The following GPHN variants were observed in gnomAD, a reference collection of about 807,000 sequenced individuals.
The protein encoded by GPHN is gephyrin.
In GPHN, 17 loss-of-function variants were observed where a neutral mutation model predicts 95.5. The ratio of observed to expected loss-of-function variants is 0.18; its 90% CI spans 0.12 to 0.27. The LOEUF (loss-of-function observed/expected upper bound fraction) is 0.27, where lower values mean the gene tolerates loss of function less well. Ranked by LOEUF, GPHN falls within the 10% of genes least tolerant of loss-of-function variation. The pLI is 1.00. For synonymous variants in GPHN, 320 were observed against 322.5 expected (o/e 0.99, Z 0.08); for missense variants, 660 against 978.1 (o/e 0.67, Z 4.34).
chr14:67,203,254 T>TACA, the GPHN span: 1 of 1,605,194 alleles, frequency 6.2e-7, no homozygotes, highest in Non-Finnish European at 8.5e-7. Context: ...TTTAAAAGTC[T>TACA]CCTGACATCT....
the GPHN span, among the ~76,000 whole-genome samples, chr14:67,346,122 C>T: frequency 1.3e-5 from 2 of 152,266 alleles, no homozygotes; most frequent in Admixed American, 1.3e-4. Flanking sequence ...CTTCACTTCA[C>T]TAGCTTGATG....
At chr14:67,579,197 G>A in the GPHN span, 1 of 1,611,328 alleles carries the variant, frequency 6.2e-7, no homozygotes, top group Non-Finnish European at 8.5e-7. Flanking sequence ...TGCGGACCGG[G>A]GAGCGGGAAG....
At chr14:66,917,188 G>T (rs911387673) in intron 6 of GPHN, among the ~76,000 whole-genome samples, 7 of 152,086 alleles carry the variant, frequency 4.6e-5, no homozygotes, top group Non-Finnish European at 7.4e-5. Context: ...TCCTGAGGAG[G>T]CTTTAACTGA....
At chr14:67,008,265 A>T (rs2072740748) in intron 9 of GPHN, among the ~76,000 whole-genome samples, 1 of 151,998 alleles carries the variant, frequency 6.6e-6, no homozygotes, top group Non-Finnish European at 1.5e-5. Context: ...CAGCCTGACC[A>T]ACATGATGAA....
At chr14:66,662,705 A>G (rs944635261) in intron 1 of GPHN, among the ~76,000 whole-genome samples, 1 of 152,240 alleles carries the variant, frequency 6.6e-6, no homozygotes, top group Non-Finnish European at 1.5e-5. Context: ...TTCTAACTCA[A>G]TGCAGGAAGC....
the GPHN span, among the ~76,000 whole-genome samples, chr14:67,723,330 C>A: frequency 6.6e-6 from 1 of 152,156 alleles, no homozygotes; most frequent in South Asian, 2.1e-4. Flanking sequence ...AACTCTTGGG[C>A]TCAAGCAACC....
the GPHN span, chr14:67,447,170 A>C: frequency 0.31 from 47,612 of 152,054 alleles, 7,675 homozygotes; most frequent in Middle Eastern, 0.39. Context: ...AGTGTCTGGC[A>C]AGGGCTCACT....
chr14:66,668,317 A>G (rs2066090179), intron 1 of GPHN, among the ~76,000 whole-genome samples: 1 of 152,232 alleles, frequency 6.6e-6, no homozygotes, highest in South Asian at 2.1e-4. Flanking sequence ...GCTCTGTTAT[A>G]AAGACACATG....
chr14:66,701,258 T>TC (rs1012600391), intron 2 of GPHN, among the ~76,000 whole-genome samples: 5 of 81,216 alleles, frequency 6.2e-5, no homozygotes, highest in Non-Finnish European at 7.6e-5. Context: ...CATATTTCTC[T>TC]TTTTTTTACA....
chr14:67,553,698 C>T, the GPHN span, among the ~76,000 whole-genome samples: 1 of 152,222 alleles, frequency 6.6e-6, no homozygotes, highest in East Asian at 1.9e-4. Context: ...GGGCAACCAC[C>T]CCTATAAACA....
chr14:66,626,856 A>G (rs1311998399), intron 1 of GPHN, among the ~76,000 whole-genome samples: 1 of 152,070 alleles, frequency 6.6e-6, no homozygotes. Context: ...TCAACAGCTG[A>G]TAATGTAAAT....
intron 1 of GPHN, among the ~76,000 whole-genome samples, chr14:66,607,350 T>C (rs1463998423): frequency 1.3e-5 from 2 of 152,164 alleles, no homozygotes; most frequent in Non-Finnish European, 2.9e-5. Flanking sequence ...AACTTTTTAA[T>C]GTGCTGCTGG....
At chr14:66,918,651 C>G (rs1209481013) in intron 6 of GPHN, among the ~76,000 whole-genome samples, 1 of 152,082 alleles carries the variant, frequency 6.6e-6, no homozygotes, top group Non-Finnish European at 1.5e-5. Context: ...ATCCCTTTCC[C>G]TCATTCCTGA....
the GPHN span, among the ~76,000 whole-genome samples, chr14:67,476,124 A>G: frequency 6.6e-6 from 1 of 152,220 alleles, no homozygotes; most frequent in Admixed American, 6.5e-5. Flanking sequence ...AAGGTGGGAG[A>G]AAAGACAGAG....
At chr14:67,308,512 T>G in the GPHN span, among the ~76,000 whole-genome samples, 2 of 151,556 alleles carry the variant, frequency 1.3e-5, no homozygotes, top group Non-Finnish European at 2.9e-5. Flanking sequence ...TCCTGAGTTT[T>G]AGATCAGCAC....
chr14:66,600,971 G>A (rs969895802), intron 1 of GPHN, among the ~76,000 whole-genome samples: 16 of 152,042 alleles, frequency 1.1e-4, no homozygotes, highest in African/African-American at 3.1e-4. Context: ...TCATAAATGC[G>A]GAATCTGTGG....
At position 66,634,495 on chromosome 14, in the gene GPHN, C is replaced by T. The variant is rs79483569; in HGVS notation, c.65-46612C>T. Reference sequence around the variant, plus strand: ...CTGATCCTCAGGCCTCTAGGTGTCACGTGGGGGCACCAACAGTGGTGGTTG... The same window carrying T: ...CTGATCCTCAGGCCTCTAGGTGTCATGTGGGGGCACCAACAGTGGTGGTTG... On this transcript the variant is annotated intron_variant, in intron 1 of 22. Coordinates refer to ENST00000478722, the MANE Select transcript of GPHN (RefSeq NM_020806.5). Among the ~76,000 whole-genome samples, 555 of 152,124 alleles carry T rather than the reference C, an allele frequency of 3.6e-3. 12 individuals are homozygous for T. Among genetic ancestry groups the T allele is most frequent in the African/African-American group, 0.013 (529 of 41,508 alleles).
chr14:67,128,622 G>T (rs1422351600), intron 17 of GPHN, among the ~76,000 whole-genome samples: 1 of 151,966 alleles, frequency 6.6e-6, no homozygotes, highest in East Asian at 1.9e-4. Context: ...TTGCATATGG[G>T]GTAGAAGTTA....
At chr14:66,540,357 T>A (rs975672510) in intron 1 of GPHN, among the ~76,000 whole-genome samples, 3 of 152,226 alleles carry the variant, frequency 2.0e-5, no homozygotes, top group African/African-American at 7.2e-5. Context: ...AGCAGGGATG[T>A]TACTCTTATG....
Sources: gnomAD v4.1 joint callset for allele counts (sites outside exome capture counted in the v4.1 genomes callset) on GRCh38, gnomAD v4.1.1 for gene constraint, MANE v1.5 for transcripts, NCBI Gene and HGNC (gene_info 2026-07-23, HGNC 2026-07-21) for gene names.